MYOM3: variants seen among roughly 807,000 people sequenced by gnomAD.
The protein encoded by MYOM3 is myomesin-3.
A neutral mutation model predicts 191.7 loss-of-function variants in MYOM3; 155 were observed. That is an observed-to-expected ratio of 0.81 (90% CI 0.71 to 0.92). The LOEUF is 0.92. MYOM3 is among the 40% of genes least tolerant of loss of function. The pLI is 0.00. For synonymous variants in MYOM3, 757 were observed against 762.9 expected, an observed-to-expected ratio of 0.99 and a Z score of 0.13; for missense variants, 1,889 against 1,890.6, an observed-to-expected ratio of 1.00 and a Z score of 0.02.
rs770592902 is a variant in MYOM3 at position 24,105,896 on chromosome 1, C to T, written c.560+24G>A. ...CACTTGTGACCCCAGAGGCCCAGAA[C>T]CCCTTCCTGCCCCAGCGGCTTACCA... On this transcript the variant is annotated intron_variant, in intron 5 of 36. Transcript: ENST00000374434. 6.3e-6 allele frequency: 10 copies of T among 1,582,748 alleles called. No homozygotes were observed. The East Asian group carries it at 1.4e-4, about 22-fold the overall frequency.
chr1:24,062,219 T>C, intron 32 of MYOM3, 110 bp from the exon 33 acceptor site: 1 of 1,177,340 alleles, frequency 8.5e-7, no homozygotes, highest in Non-Finnish European at 1.2e-6. Context: ...GGGCTATGGG[T>C]GGTGACTATG....
chr1:24,086,889 A>G, intron 14 of MYOM3, 62 bp from the exon 15 acceptor site: 1 of 1,508,072 alleles, frequency 6.6e-7, no homozygotes, highest in Non-Finnish European at 9.1e-7. Context: ...TGTGCTGGTC[A>G]CCTCCCATGA....
rs1212290821 is a variant in MYOM3 at position 24,067,309 on chromosome 1, T to TTCCTTCC, written c.3356-222_3356-221insGGAAGGA. Among the ~76,000 whole-genome samples, 53 of 91,042 alleles carry TTCCTTCC rather than the reference T, an allele frequency of 5.8e-4. 5 individuals are homozygous for TTCCTTCC. The highest frequency in any genetic ancestry group is 1.7e-3 in the African/African-American group (39 of 23,512). The allele number at this position is 91,042 out of a possible 152,430, so 59.7% of individuals were successfully genotyped here. A position where few individuals can be genotyped will look rare whatever the true frequency, so the allele number is the denominator to read the frequency against. On this transcript the variant is annotated intron_variant, in intron 27 of 36. Transcript: ENST00000374434. ...CTTTCTTTCTTTCTTTCTTTCCTTC[T>TTCCTTCC]TTCTTTCTTTCTTTCCTTCTTTCTT...
chr1:24,096,162 A>G (rs1570882160), intron 7 of MYOM3, among the ~76,000 whole-genome samples: 1 of 152,310 alleles, frequency 6.6e-6, no homozygotes, highest in East Asian at 1.9e-4. Flanking sequence ...GTCCCTGGAA[A>G]GGCCCTTCCT....
chr1:24,057,711 C>G, intron 36 of MYOM3, 84 bp from the exon 37 acceptor site: 1 of 1,241,546 alleles, frequency 8.1e-7, no homozygotes, highest in East Asian at 2.3e-5. Flanking sequence ...AGAGAGCTCC[C>G]AGCTCAGGTT....
In MYOM3 at chr1:24,090,060, C is replaced by T. The variant is rs187599846; in HGVS notation, c.1486+5G>A. ...AGGCCCAGTGTGTGGGAGGATCCCGCGTACCTTCAAAAGCGTCTGTGCTGA... is the reference window on the plus strand; with the variant it reads ...AGGCCCAGTGTGTGGGAGGATCCCGTGTACCTTCAAAAGCGTCTGTGCTGA... On this transcript the variant is annotated splice_donor_5th_base_variant and intron_variant, in intron 13 of 36. Transcript: ENST00000374434. The T allele has an allele frequency of 1.6e-4, 251 of 1,613,774 alleles. 1 individual carries two copies. Among genetic ancestry groups the T allele is most frequent in the Admixed American group, 6.5e-4 (39 of 60,022 alleles).
In MYOM3 at chr1:24,068,346, G is replaced by T. The variant is rs374495623; in HGVS notation, c.3172C>A (p.Arg1058=). ...ATCACTTCCACCAGGCCCTTCTCTCGGTCAAAATTGATTTTGCGGTTCTGA... is the reference window on the plus strand; with the variant it reads ...ATCACTTCCACCAGGCCCTTCTCTCTGTCAAAATTGATTTTGCGGTTCTGA... ...SSPNRKINFD[R]EKGLVEVIIQ... The change falls in exon 26 of 37, where the codon CGA becomes AGA. Residue 1058 remains arginine (R), a synonymous_variant. Transcript: ENST00000374434. The T allele has an allele frequency of 3.2e-5, 51 of 1,613,930 alleles. No homozygotes were observed. Among genetic ancestry groups the T allele is most frequent in the Non-Finnish European group, 4.1e-5 (48 of 1,179,978 alleles).
At chr1:24,095,866 G>T (rs115496175) in intron 7 of MYOM3, among the ~76,000 whole-genome samples, 1 of 152,142 alleles carries the variant, frequency 6.6e-6, no homozygotes, top group Non-Finnish European at 1.5e-5. Context: ...GGAGAGTGGT[G>T]GGGGAGGGGC....
At chr1:24,062,492 T>A (rs1177219116) in intron 32 of MYOM3, among the ~76,000 whole-genome samples, 1 of 152,152 alleles carries the variant, frequency 6.6e-6, no homozygotes, top group Admixed American at 6.5e-5. Flanking sequence ...TCAAGCCTTC[T>A]CCATAGAGTG....
chr1:24,084,996 A>G (rs558813317), intron 15 of MYOM3, among the ~76,000 whole-genome samples: 1 of 152,190 alleles, frequency 6.6e-6, no homozygotes, highest in African/African-American at 2.4e-5. Flanking sequence ...TTCTCTACTG[A>G]TTTTCATGGC....
chr1:24,072,020 T>C lies in MYOM3; in HGVS notation c.2969-7A>G, dbSNP rs769655247. 80 of 1,613,676 alleles carry C rather than the reference T, an allele frequency of 5.0e-5. No homozygotes were observed. Among genetic ancestry groups the C allele is most frequent in the Admixed American group, 2.3e-4 (14 of 59,978 alleles). On this transcript the variant is annotated splice_region_variant and splice_polypyrimidine_tract_variant and intron_variant, in intron 23 of 36. Coordinates refer to ENST00000374434, the MANE Select transcript of MYOM3 (RefSeq NM_152372.4). ...TTCTTCAGCTTCTCCAGCTCTGGGATAGGGGGAAGTGAGGAAGAAACCAGA... is the reference window on the plus strand; with the variant it reads ...TTCTTCAGCTTCTCCAGCTCTGGGACAGGGGGAAGTGAGGAAGAAACCAGA...
Position 24,094,883 on chromosome 1 carries a change from C to G in MYOM3, c.898G>C (p.Asp300His). Residue 300 changes from aspartate (D) to histidine (H), a missense_variant, in exon 9 of 37, where the codon GAT becomes CAT. Coordinates refer to ENST00000374434, the MANE Select transcript of MYOM3 (RefSeq NM_152372.4). ...CGGAACCACTGGATGCTCTCAGCATCTAACACATCTTCCGAAAACAAGCAT... is the reference window on the plus strand; with the variant it reads ...CGGAACCACTGGATGCTCTCAGCATGTAACACATCTTCCGAAAACAAGCAT... Reference protein sequence around the residue: ...LSCLFSEDVLDAESIQWFRDG... With the variant: ...LSCLFSEDVLHAESIQWFRDG... 1 of 1,614,014 alleles carries G rather than the reference C, an allele frequency of 6.2e-7. No homozygotes were observed. Among genetic ancestry groups the G allele is most frequent in the South Asian group, 1.1e-5 (1 of 91,038 alleles).
rs763929622 is a variant in MYOM3, at chr1:24,090,857, G to A, written c.1372C>T (p.Pro458Ser). Reference sequence around the variant, plus strand: ...ACAACCAACTCTGAGGCCTTGGAGGGGACGCTGCTGCCTACCCTGCTGATG... The same window carrying A: ...ACAACCAACTCTGAGGCCTTGGAGGAGACGCTGCTGCCTACCCTGCTGATG... ...RAISRVGSSV[P>S]SKASELVVMG... The change falls in exon 12 of 37, where the codon CCC becomes TCC. Residue 458 changes from proline (P) to serine (S), a missense_variant. Coordinates refer to ENST00000374434, the MANE Select transcript of MYOM3 (RefSeq NM_152372.4). 3.1e-6 allele frequency: 5 copies of A among 1,614,126 alleles called. No homozygotes were observed. Among genetic ancestry groups the A allele is most frequent in the Non-Finnish European group, 4.2e-6 (5 of 1,179,992 alleles).
At chr1:24,062,939 AACTCCTTCTGTGGACAGCAAG>A (rs1185481777) in intron 32 of MYOM3, among the ~76,000 whole-genome samples, 166 bp downstream of exon 32, 1 of 151,992 alleles carries the variant, frequency 6.6e-6, no homozygotes, top group Non-Finnish European at 1.5e-5. Flanking sequence ...CTCTATCCTC[AACTCCTTCTGTGGACAGCAAG>A]ACCAGGAAGA....
chr1:24,076,962 C>A (rs1177590847), intron 20 of MYOM3, among the ~76,000 whole-genome samples: 1 of 152,166 alleles, frequency 6.6e-6, no homozygotes, highest in Non-Finnish European at 1.5e-5. Context: ...GCTGGTACTA[C>A]AGGCACCCAC....
In MYOM3 at chr1:24,066,317, T is replaced by C. The variant is rs1413153942; in HGVS notation, c.3424-316A>G. ...TGTCCTGCCCCATCCGGGTCAAGCA[T>C]GAGGGATGCTGTTTTCCAATGGTCC... On this transcript the variant is annotated intron_variant, in intron 28 of 36. Transcript: ENST00000374434. The C allele has an allele frequency of 3.4e-5, 23 of 679,740 alleles. 1 individual carries two copies. Among genetic ancestry groups the C allele is most frequent in the African/African-American group, 1.2e-4 (7 of 56,088 alleles). 42.1% of individuals were successfully genotyped at this position (679,740 alleles called of 1,614,324 possible).
Position 24,071,823 on chromosome 1 carries a change from C to T in MYOM3, c.3013+146G>A. 3.6e-6 allele frequency: 3 copies of T among 836,538 alleles called. No homozygotes were observed. In the Admixed American group the frequency reaches 5.8e-5, roughly 16 times the overall value. 51.8% of individuals were successfully genotyped at this position (836,538 alleles called of 1,614,324 possible). A position where few individuals can be genotyped will look rare whatever the true frequency, so the allele number is the denominator to read the frequency against. On this transcript the variant is annotated intron_variant, in intron 24 of 36. Transcript: ENST00000374434. The stretch of plus-strand genomic sequence containing the variant: ...TCCTTCCGTGAGCTTCCCGAGTGGT[C>T]CCTGACCTTCTAGCTCTGTGATTCT...
Position 24,056,571 on chromosome 1 carries a change from G to C in MYOM3, c.*793C>G, listed in dbSNP as rs1643303879. 6.6e-6 allele frequency: 1 copy of C among 152,244 alleles called. No individual in the cohort carries two copies. The highest frequency in any genetic ancestry group is 1.5e-5 in the Non-Finnish European group (1 of 68,086). 9.4% of individuals were successfully genotyped at this position (152,244 alleles called of 1,614,324 possible). A position where few individuals can be genotyped will look rare whatever the true frequency, so the allele number is the denominator to read the frequency against. ...TTTAGTAGAGACCGGGTTTCGTCAT[G>C]TTGGCCAGGCTGGTCTAAAACTCCT... On this transcript the variant is annotated 3_prime_UTR_variant, in exon 37 of 37. Transcript: ENST00000374434.
chr1:24,091,090 C>T, intron 11 of MYOM3, 94 bp from the exon 12 acceptor site: 9 of 1,384,912 alleles, frequency 6.5e-6, no homozygotes, highest in Non-Finnish European at 8.9e-6. Flanking sequence ...ACTGGGGGAG[C>T]CTGCCCAGCT....
Sources: gnomAD v4.1 joint callset for allele counts (sites outside exome capture counted in the v4.1 genomes callset) on GRCh38, gnomAD v4.1.1 for gene constraint, MANE v1.5 for transcripts, NCBI Gene and HGNC (gene_info 2026-07-23, HGNC 2026-07-21) for gene names.